STPG2: variants seen among roughly 807,000 people sequenced by gnomAD.
STPG2 encodes sperm-tail PG-rich repeat-containing protein 2.
STPG2 carries 56 observed loss-of-function variants against 54.2 expected under a neutral mutation model. That is an observed-to-expected ratio of 1.03 (90% confidence interval 0.83 to 1.29). The LOEUF (loss-of-function observed/expected upper bound fraction) is 1.29, where lower values mean the gene tolerates loss of function less well. Ranked by LOEUF, STPG2 falls within the 50% of genes most tolerant of loss-of-function variation. STPG2 has a pLI of 0.00. For missense variants in STPG2, 596 were observed against 544.9 expected (o/e 1.09, Z -0.93); for synonymous variants, 200 against 181.8 (o/e 1.10, Z -0.81).
At chr4:98,120,845 TTCTGTAGGTTG>T (rs1739658027) in intron 3 of STPG2, among the ~76,000 whole-genome samples, 1 of 152,146 alleles carries the variant, frequency 6.6e-6, no homozygotes, top group Non-Finnish European at 1.5e-5. Context: ...TTTTCTCCCA[TTCTGTAGGTTG>T]TCTGTTTGTG....
chr4:97,651,126 G>T lies in STPG2; in HGVS notation c.1320+61573C>A, dbSNP rs569831554. 1.6e-4 allele frequency among the ~76,000 whole-genome samples: 24 copies of T among 152,148 alleles called. No homozygotes were observed. The South Asian group carries it at 4.8e-3, about 30-fold the overall frequency. On this transcript the variant is annotated intron_variant, in intron 10 of 10. Transcript: ENST00000295268. Reference sequence around the variant, plus strand: ...ACTCCCATCACTTTTTCCTAAAAATGTAGAGATACAGAGGCCTTAAAATCA... The same window carrying T: ...ACTCCCATCACTTTTTCCTAAAAATTTAGAGATACAGAGGCCTTAAAATCA...
chr4:97,917,322 T>A (rs1468155922), intron 8 of STPG2: 1 of 152,218 alleles, frequency 6.6e-6, no homozygotes. Context: ...CACAGCGCGG[T>A]AGTGCCGGCC....
chr4:97,654,034 C>T (rs1722149380), intron 10 of STPG2, among the ~76,000 whole-genome samples: 1 of 152,058 alleles, frequency 6.6e-6, no homozygotes, highest in African/African-American at 2.4e-5. Context: ...GCAAAGCAGC[C>T]CCTATGGAAT....
At chr4:98,073,268 T>C (rs1738062165) in intron 5 of STPG2, among the ~76,000 whole-genome samples, 1 of 152,138 alleles carries the variant, frequency 6.6e-6, no homozygotes, top group Non-Finnish European at 1.5e-5. Flanking sequence ...TAGAGTCTAA[T>C]ACACAGATTC....
chr4:97,658,916 T>C (rs1722295196), intron 10 of STPG2, among the ~76,000 whole-genome samples: 1 of 152,166 alleles, frequency 6.6e-6, no homozygotes, highest in African/African-American at 2.4e-5. Flanking sequence ...ATATAAATCC[T>C]ACAGTTCTCT....
intron 9 of STPG2, among the ~76,000 whole-genome samples, chr4:97,761,774 C>CT (rs1051632396): frequency 2.8e-4 from 42 of 152,238 alleles, no homozygotes; most frequent in South Asian, 1.0e-3. Context: ...AAATGATGAT[C>CT]TTTTTTCCTT....
intron 10 of STPG2, among the ~76,000 whole-genome samples, chr4:97,561,205 T>C (rs1210388965): frequency 6.6e-6 from 1 of 152,228 alleles, no homozygotes; most frequent in Non-Finnish European, 1.5e-5. Context: ...TGGCCAGTGA[T>C]GGTGAGCATT....
chr4:97,815,544 A>C (rs1020691856), intron 9 of STPG2, among the ~76,000 whole-genome samples: 2 of 151,546 alleles, frequency 1.3e-5, no homozygotes, highest in African/African-American at 4.8e-5. Context: ...TTCTTTCCTC[A>C]CTCTCTTGTC....
chr4:97,604,756 CT>C lies in STPG2; in HGVS notation c.1321-45640del, dbSNP rs1733551952. On this transcript the variant is annotated intron_variant, in intron 10 of 10. Coordinates refer to ENST00000295268, the MANE Select transcript of STPG2 (RefSeq NM_174952.3). ...GAAATATTTTAATGGCCAGGTCTGG[CT>C]GCCAAAAAGGCTGCTTCTGATTTAT... 2.0e-5 allele frequency among the ~76,000 whole-genome samples: 3 copies of C among 151,824 alleles called. No homozygotes were observed. In the South Asian group the frequency reaches 6.2e-4, roughly 31 times the overall value.
chr4:97,547,946 T>C (rs1578379728), intron 4 of STPG2, among the ~76,000 whole-genome samples: 1 of 150,856 alleles, frequency 6.6e-6, no homozygotes, highest in African/African-American at 2.4e-5. Flanking sequence ...AGGTCGGGAG[T>C]TCACGACCAG....
intron 8 of STPG2, among the ~76,000 whole-genome samples, chr4:97,862,515 T>C (rs921636304): frequency 4.1e-4 from 62 of 151,884 alleles, no homozygotes; most frequent in Non-Finnish European, 6.9e-4. Context: ...TAACACCCCA[T>C]GGTCAACATT....
intron 10 of STPG2, among the ~76,000 whole-genome samples, chr4:97,701,670 C>A (rs1258517820): frequency 1.3e-5 from 2 of 152,184 alleles, no homozygotes; most frequent in African/African-American, 2.4e-5. Flanking sequence ...TTTGTCCATT[C>A]AACCTAGAAG....
chr4:98,022,109 G>A (rs1240410675), intron 5 of STPG2, among the ~76,000 whole-genome samples: 3 of 152,034 alleles, frequency 2.0e-5, no homozygotes, highest in Non-Finnish European at 2.9e-5. Context: ...TTTCTTCCTA[G>A]CCTTGATGGT....
At chr4:97,755,398 T>C (rs146179586) in intron 9 of STPG2, among the ~76,000 whole-genome samples, 25 of 152,310 alleles carry the variant, frequency 1.6e-4, no homozygotes, top group Non-Finnish European at 2.9e-4. Context: ...CAAGCTCTAG[T>C]ATTATTTTCT....
At chr4:97,634,693 G>A (rs1421213629) in intron 10 of STPG2, among the ~76,000 whole-genome samples, 2 of 152,066 alleles carry the variant, frequency 1.3e-5, no homozygotes, top group South Asian at 2.1e-4. Context: ...GGTGAAGAAT[G>A]CAGAAGCCTC....
chr4:97,943,891 T>C lies in STPG2; in HGVS notation c.1044+6A>G, dbSNP rs759519883. 6.5e-7 allele frequency: 1 copy of C among 1,535,106 alleles called. No homozygotes were observed. On this transcript the variant is annotated splice_donor_region_variant and intron_variant, in intron 8 of 10. Transcript: ENST00000295268. ...TGAAAATATTTGATTGTAGGAGTAT[T>C]CTTACCATATCTGGTACTTTCATAG... is the stretch of plus-strand genomic sequence containing the variant.
intron 5 of STPG2, among the ~76,000 whole-genome samples, chr4:98,063,408 C>T (rs918799547): frequency 2.6e-5 from 4 of 151,894 alleles, no homozygotes; most frequent in Admixed American, 6.5e-5. Context: ...GAGATCACAC[C>T]GCTGCACTCC....
chr4:97,964,726 T>G (rs1734026490), intron 7 of STPG2, among the ~76,000 whole-genome samples: 1 of 152,250 alleles, frequency 6.6e-6, no homozygotes, highest in Non-Finnish European at 1.5e-5. Context: ...TGCTTTTCAT[T>G]GTTCCTTCTG....
At chr4:97,725,990 T>C (rs146744709) in intron 9 of STPG2, among the ~76,000 whole-genome samples, 1 of 151,766 alleles carries the variant, frequency 6.6e-6, no homozygotes, top group East Asian at 1.9e-4. Context: ...TAGAAGACAA[T>C]GAAGCAAAAG....
Sources: allele counts gnomAD v4.1 joint callset (sites outside exome capture counted in the v4.1 genomes callset), GRCh38; gene constraint gnomAD v4.1.1; transcripts MANE v1.5; gene names NCBI Gene and HGNC (gene_info 2026-07-23, HGNC 2026-07-21).